Variants in CTNNA3 observed in about 807,000 individuals in gnomAD.
The protein encoded by CTNNA3 is catenin alpha 3.
CTNNA3 carries 76 observed loss-of-function variants against 95.7 expected under a neutral mutation model. The ratio of observed to expected loss-of-function variants is 0.79; its 90% CI spans 0.66 to 0.96. CTNNA3 has a LOEUF of 0.96. Among genes scored for constraint, CTNNA3 ranks in the 40% least tolerant of loss-of-function variants. The pLI is 0.00. For missense variants in CTNNA3, 1,191 were observed against 1,089.8 expected (o/e 1.09, Z -1.31); for synonymous variants, 431 against 374.4 (o/e 1.15, Z -1.74).
chr10:67,480,697 C>G (rs1446028975), intron 5 of CTNNA3, among the ~76,000 whole-genome samples: 1 of 152,208 alleles, frequency 6.6e-6, no homozygotes, highest in Non-Finnish European at 1.5e-5. Context: ...ATGCTTATCA[C>G]TGGCTTATTG....
chr10:66,676,110 C>T (rs1846844473), intron 9 of CTNNA3, among the ~76,000 whole-genome samples: 1 of 89,872 alleles, frequency 1.1e-5, no homozygotes, highest in Non-Finnish European at 2.8e-5. Flanking sequence ...ACCTTTAAAA[C>T]ACACACACAC....
chr10:66,727,478 C>T (rs7909437), intron 9 of CTNNA3, among the ~76,000 whole-genome samples: 34,760 of 151,944 alleles, frequency 0.23, 5,393 homozygotes, highest in East Asian at 0.61. Context: ...TCTTTCTTTG[C>T]CAGATGTATA....
At chr10:67,268,429 G>A (rs1263623108) in intron 5 of CTNNA3, among the ~76,000 whole-genome samples, 1 of 152,046 alleles carries the variant, frequency 6.6e-6, no homozygotes, top group Non-Finnish European at 1.5e-5. Context: ...ACTAAGGCAG[G>A]AGGATTGCAT....
intron 7 of CTNNA3, chr10:67,015,306 T>A (rs1011296737): frequency 1.3e-5 from 2 of 152,172 alleles, no homozygotes; most frequent in African/African-American, 4.8e-5. Flanking sequence ...AAATCAGAGT[T>A]CCTCCATTCT....
intron 11 of CTNNA3, among the ~76,000 whole-genome samples, chr10:66,432,518 C>CA: frequency 6.6e-6 from 1 of 151,784 alleles, no homozygotes; most frequent in East Asian, 1.9e-4. Flanking sequence ...ATTAGCCGGG[C>CA]GTAGTGGTGG....
At chr10:66,028,985 G>GA (rs2079399464) in intron 15 of CTNNA3, among the ~76,000 whole-genome samples, 1 of 151,796 alleles carries the variant, frequency 6.6e-6, no homozygotes, top group Non-Finnish European at 1.5e-5. Context: ...ATAAAATGAA[G>GA]AATAGGAGGT....
intron 10 of CTNNA3, among the ~76,000 whole-genome samples, chr10:66,530,067 G>T (rs1479551507): frequency 6.6e-6 from 1 of 151,944 alleles, no homozygotes; most frequent in East Asian, 1.9e-4. Context: ...TTACTTAAAA[G>T]GTGAAAATAA....
chr10:67,576,883 C>T (rs1209828365), intron 3 of CTNNA3, among the ~76,000 whole-genome samples: 2 of 109,692 alleles, frequency 1.8e-5, no homozygotes, highest in Admixed American at 1.7e-4. Context: ...AGGACATGAA[C>T]TCATCTTTCT....
intron 7 of CTNNA3, among the ~76,000 whole-genome samples, chr10:66,996,905 G>C (rs997886757): frequency 6.6e-6 from 1 of 152,066 alleles, no homozygotes; most frequent in Non-Finnish European, 1.5e-5. Context: ...TTGACAGTCT[G>C]TAATTCAGCT....
At chr10:67,510,341 A>AT (rs1839574126) in intron 5 of CTNNA3, among the ~76,000 whole-genome samples, 1 of 152,102 alleles carries the variant, frequency 6.6e-6, no homozygotes, top group Non-Finnish European at 1.5e-5. Flanking sequence ...TAAGTCTTTA[A>AT]TTCATCTTGA....
intron 8 of CTNNA3, among the ~76,000 whole-genome samples, chr10:66,767,472 A>G (rs1161215160): frequency 1.3e-5 from 2 of 150,462 alleles, no homozygotes; most frequent in East Asian, 3.9e-4. Flanking sequence ...AAAAAAAATC[A>G]TAATATCCTG....
chr10:66,184,193 G>A (rs2086203242), intron 13 of CTNNA3, among the ~76,000 whole-genome samples: 1 of 152,136 alleles, frequency 6.6e-6, no homozygotes. Context: ...CAGCTACTCA[G>A]GAGGCTGAGG....
chr10:66,824,220 G>A lies in CTNNA3; in HGVS notation c.1048-48696C>T, dbSNP rs76326634. 2.7e-3 allele frequency among the ~76,000 whole-genome samples: 413 copies of A among 152,188 alleles called. 1 individual carries two copies. Among genetic ancestry groups the A allele is most frequent in the Non-Finnish European group, 4.5e-3 (304 of 67,990 alleles). On this transcript the variant is annotated intron_variant, in intron 7 of 17. Coordinates refer to ENST00000433211, the MANE Select transcript of CTNNA3 (RefSeq NM_013266.4). The stretch of plus-strand genomic sequence containing the variant: ...AGAAAATGGCACAGTGGCCTGTGTC[G>A]GCTAAGACTGTACTTTGTCATTCCA...
At chr10:67,502,633 TG>T (rs1839270701) in intron 5 of CTNNA3, among the ~76,000 whole-genome samples, 1 of 152,214 alleles carries the variant, frequency 6.6e-6, no homozygotes, top group East Asian at 1.9e-4. Context: ...AGCCCCTGAC[TG>T]GGGCTGCTGC....
intron 13 of CTNNA3, among the ~76,000 whole-genome samples, chr10:66,172,849 C>T (rs773220768): frequency 3.0e-4 from 45 of 152,232 alleles, no homozygotes; most frequent in Admixed American, 2.6e-4. Context: ...AACACATCTA[C>T]GAGCAAACAA....
intron 5 of CTNNA3, among the ~76,000 whole-genome samples, chr10:67,314,380 G>A (rs1435410039): frequency 6.6e-6 from 1 of 152,146 alleles, no homozygotes; most frequent in African/African-American, 2.4e-5. Context: ...TAACATTAAA[G>A]CCATGGGCTC....
intron 10 of CTNNA3, among the ~76,000 whole-genome samples, chr10:66,612,993 T>C (rs142051089): frequency 6.6e-6 from 1 of 152,160 alleles, no homozygotes; most frequent in Non-Finnish European, 1.5e-5. Context: ...AGGCTCTACC[T>C]TTATTTTCCT....
At chr10:66,329,967 C>T (rs1201269552) in intron 12 of CTNNA3, among the ~76,000 whole-genome samples, 1 of 151,958 alleles carries the variant, frequency 6.6e-6, no homozygotes, top group East Asian at 1.9e-4. Flanking sequence ...ATAAATATTG[C>T]ATGCTTGGTT....
intron 9 of CTNNA3, among the ~76,000 whole-genome samples, chr10:66,733,794 G>A (rs950579469): frequency 1.3e-5 from 2 of 151,648 alleles, no homozygotes; most frequent in African/African-American, 4.8e-5. Context: ...CTATTAAGAT[G>A]TTGTTAAATT....
Sources: allele counts gnomAD v4.1 joint callset (sites outside exome capture counted in the v4.1 genomes callset), GRCh38; gene constraint gnomAD v4.1.1; transcripts MANE v1.5; gene names NCBI Gene and HGNC (gene_info 2026-07-23, HGNC 2026-07-21).